Variants in NTRK3 observed in about 807,000 individuals in gnomAD.
The protein encoded by NTRK3 is neurotrophic receptor tyrosine kinase 3.
In NTRK3, 24 loss-of-function variants were observed where a neutral mutation model predicts 91.7. The ratio of observed to expected loss-of-function variants is 0.26; its 90% confidence interval spans 0.19 to 0.37. The LOEUF (loss-of-function observed/expected upper bound fraction) is 0.37, where lower values mean the gene tolerates loss of function less well. Ranked by LOEUF, NTRK3 falls within the 10% of genes least tolerant of loss-of-function variation. NTRK3 has a pLI of 1.00. For missense variants in NTRK3, 880 were observed against 1,068.9 expected, an observed-to-expected ratio of 0.82 and a Z score of 2.46; for synonymous variants, 483 against 404.0, an observed-to-expected ratio of 1.20 and a Z score of -2.34.
At chr15:88,176,386 C>T (rs1027268847) in intron 5 of NTRK3, among the ~76,000 whole-genome samples, 13 of 152,146 alleles carry the variant, frequency 8.5e-5, no homozygotes, top group Non-Finnish European at 1.8e-4. Flanking sequence ...CCACCTGTCT[C>T]GGCCTCCCAA....
intron 13 of NTRK3, among the ~76,000 whole-genome samples, chr15:88,090,441 G>T (rs769948618): frequency 2.0e-5 from 3 of 152,168 alleles, no homozygotes; most frequent in Non-Finnish European, 4.4e-5. Flanking sequence ...GCGTGCCCTA[G>T]GCAACGTAGA....
rs373593924 is a variant in NTRK3, at chr15:88,128,743, A to G, written c.1205-9T>C. 6.2e-7 allele frequency: 1 copy of G among 1,613,828 alleles called. No individual in the cohort carries two copies. The highest frequency in any genetic ancestry group is 1.1e-5 in the South Asian group (1 of 91,070). On this transcript the variant is annotated splice_polypyrimidine_tract_variant and intron_variant, in intron 10 of 18. Coordinates refer to ENST00000394480, the Ensembl canonical transcript of NTRK3. ...AAAGTTATCCGTGCTCTCTGCAAAA[A>G]AAGGACAAAGAGATAATTAACAAAT... is the stretch of plus-strand genomic sequence containing the variant.
At chr15:88,150,524 C>T (rs1459194171) in intron 5 of NTRK3, among the ~76,000 whole-genome samples, 1 of 152,120 alleles carries the variant, frequency 6.6e-6, no homozygotes, top group Non-Finnish European at 1.5e-5. Context: ...CTCCCCCTTG[C>T]CCCTCCCCCA....
rs114548177 is a variant in NTRK3, at chr15:88,203,452, C to T, written c.249-19153G>A. ...TGTGTCAGTCTCTGCATTTACCCCC[C>T]TAATCTCATTTCAATCCCATAACCA... On this transcript the variant is annotated intron_variant, in intron 3 of 18. Transcript: ENST00000394480. Among the ~76,000 whole-genome samples, 307 of 152,268 alleles carry T rather than the reference C, an allele frequency of 2.0e-3. 2 individuals carry two copies. Among genetic ancestry groups the T allele is most frequent in the African/African-American group, 6.9e-3 (288 of 41,552 alleles).
At chr15:87,920,680 A>G (rs1184299487) in intron 17 of NTRK3, among the ~76,000 whole-genome samples, 2 of 152,178 alleles carry the variant, frequency 1.3e-5, no homozygotes, top group African/African-American at 2.4e-5. Flanking sequence ...AGGGTTTCTC[A>G]GCACCTCTGG....
chr15:87,963,142 A>G (rs950548281), intron 14 of NTRK3, among the ~76,000 whole-genome samples: 2 of 150,756 alleles, frequency 1.3e-5, no homozygotes, highest in Non-Finnish European at 2.9e-5. Context: ...TCCACTGGAT[A>G]CCTGCTTGGG....
intron 13 of NTRK3, among the ~76,000 whole-genome samples, chr15:88,104,237 C>T (rs1157047538): frequency 1.3e-5 from 2 of 152,226 alleles, no homozygotes; most frequent in African/African-American, 2.4e-5. Flanking sequence ...TCACTGCATG[C>T]AGGTATGTCT....
At chr15:88,004,729 G>C (rs561895489) in intron 14 of NTRK3, among the ~76,000 whole-genome samples, 3 of 152,302 alleles carry the variant, frequency 2.0e-5, no homozygotes, top group South Asian at 4.1e-4. Context: ...GCAGGTGTGG[G>C]AGAGTGTGAG....
intron 3 of NTRK3, among the ~76,000 whole-genome samples, chr15:88,246,543 A>AC (rs1043434544): frequency 6.6e-6 from 1 of 152,230 alleles, no homozygotes; most frequent in African/African-American, 2.4e-5. Flanking sequence ...TACTAGCCCC[A>AC]CAGTGAAACT....
intron 13 of NTRK3, among the ~76,000 whole-genome samples, chr15:88,066,165 T>C (rs2046634735): frequency 6.6e-6 from 1 of 152,210 alleles, no homozygotes; most frequent in Non-Finnish European, 1.5e-5. Flanking sequence ...GATAAAGACC[T>C]TGCTTTTTCT....
chr15:87,930,587 C>A (rs1255838352), intron 16 of NTRK3, among the ~76,000 whole-genome samples: 1 of 152,106 alleles, frequency 6.6e-6, no homozygotes, highest in East Asian at 1.9e-4. Context: ...CTCCAGCCTG[C>A]CTCTCAACAC....
intron 13 of NTRK3, among the ~76,000 whole-genome samples, chr15:88,049,213 G>C (rs1164457140): frequency 6.6e-6 from 1 of 152,180 alleles, no homozygotes; most frequent in Non-Finnish European, 1.5e-5. Flanking sequence ...TGGAAGTGAT[G>C]CTTCGAATAC....
At chr15:87,904,498 C>T (rs2066639559) in intron 17 of NTRK3, among the ~76,000 whole-genome samples, 1 of 152,116 alleles carries the variant, frequency 6.6e-6, no homozygotes, top group African/African-American at 2.4e-5. Flanking sequence ...CTCTCTGAAT[C>T]TTTTTTCTTA....
chr15:88,112,919 C>T (rs1394111614), intron 13 of NTRK3, among the ~76,000 whole-genome samples: 2 of 152,218 alleles, frequency 1.3e-5, no homozygotes, highest in Admixed American at 6.5e-5. Context: ...CCAGGATCTG[C>T]ACCACCACCA....
At chr15:88,039,814 A>G (rs2079432753) in intron 13 of NTRK3, among the ~76,000 whole-genome samples, 1 of 152,242 alleles carries the variant, frequency 6.6e-6, no homozygotes, top group African/African-American at 2.4e-5. Context: ...CGTCCACCCT[A>G]CTGCTGTGTC....
rs2065818557 is a variant in NTRK3 at position 87,890,811 on chromosome 15, T to G, written c.2134-10383A>C. ...CTCCAGCCTTTGAATCAGCCATATC[T>G]CCAGGGATTCCTGGATCCTTTTGGA... On this transcript the variant is annotated intron_variant, in intron 17 of 18. Coordinates refer to ENST00000394480, the Ensembl canonical transcript of NTRK3. Among the ~76,000 whole-genome samples, 5 of 152,296 alleles carry G rather than the reference T, an allele frequency of 3.3e-5. No individual in the cohort carries two copies. The South Asian group carries it at 1.0e-3, about 32-fold the overall frequency.
exon 19 of NTRK3, chr15:87,861,414 C>A (rs2064519761): frequency 4.8e-6 from 1 of 208,180 alleles, no homozygotes; most frequent in South Asian, 1.9e-4. Context: ...GGAAACAAAT[C>A]AGTGTATATC....
chr15:87,932,163 C>T (rs1320520464), intron 16 of NTRK3, among the ~76,000 whole-genome samples: 3 of 152,184 alleles, frequency 2.0e-5, no homozygotes, highest in Admixed American at 1.3e-4. Context: ...TTCTGGCTGG[C>T]GTTCCAGTCT....
At chr15:88,013,595 T>C (rs2077030870) in intron 14 of NTRK3, among the ~76,000 whole-genome samples, 1 of 152,210 alleles carries the variant, frequency 6.6e-6, no homozygotes, top group South Asian at 2.1e-4. Context: ...ATCAAACAGA[T>C]GCCTAGCTTC....
Sources: gnomAD v4.1 joint callset for allele counts (sites outside exome capture counted in the v4.1 genomes callset) on GRCh38, gnomAD v4.1.1 for gene constraint, MANE v1.5 for transcripts, NCBI Gene and HGNC (gene_info 2026-07-23, HGNC 2026-07-21) for gene names.